ETV6: variants seen among roughly 807,000 people sequenced by gnomAD.
ETV6 encodes ETS variant transcription factor 6.
In ETV6, 16 loss-of-function variants were observed where a neutral mutation model predicts 51.1. That is an observed-to-expected ratio of 0.31 (90% CI 0.21 to 0.48). The LOEUF is 0.48. ETV6 is among the 20% of genes least tolerant of loss of function. The pLI, the probability that ETV6 is intolerant of heterozygous loss-of-function variation, is 0.99. For synonymous variants in ETV6, 240 were observed against 224.1 expected, an observed-to-expected ratio of 1.07 and a Z score of -0.64; for missense variants, 458 against 594.8, an observed-to-expected ratio of 0.77 and a Z score of 2.39.
At chr12:11,701,150 T>G (rs1480210411) in intron 1 of ETV6, among the ~76,000 whole-genome samples, 1 of 152,090 alleles carries the variant, frequency 6.6e-6, no homozygotes, top group Non-Finnish European at 1.5e-5. Context: ...TAATATAAAA[T>G]TTGCCCTTTT....
At chr12:11,677,281 C>T (rs1188491198) in intron 1 of ETV6, among the ~76,000 whole-genome samples, 2 of 152,216 alleles carry the variant, frequency 1.3e-5, no homozygotes, top group Non-Finnish European at 2.9e-5. Flanking sequence ...CCTCCCTCCT[C>T]CTGCCTCTCT....
At chr12:11,702,793 T>A (rs1211352040) in intron 1 of ETV6, among the ~76,000 whole-genome samples, 1 of 152,122 alleles carries the variant, frequency 6.6e-6, no homozygotes, top group African/African-American at 2.4e-5. Context: ...TTTGGAAAAT[T>A]AGAAGAAAAA....
intron 2 of ETV6, among the ~76,000 whole-genome samples, chr12:11,786,999 A>G (rs757793875): frequency 3.9e-5 from 6 of 152,186 alleles, no homozygotes; most frequent in African/African-American, 1.2e-4. Context: ...AAAAGACCCT[A>G]AGGTGTTATC....
rs145328569 is a variant in ETV6 at position 11,681,887 on chromosome 12, A to G, written c.33+31727A>G. On this transcript the variant is annotated intron_variant, in intron 1 of 7. Transcript: ENST00000396373. ...TTCCAGCTTCAACCATGTTCCTGCA[A>G]AGGACATGAGCTCATCCTTTTTTAT... Among the ~76,000 whole-genome samples, 490 of 152,306 alleles carry G rather than the reference A, an allele frequency of 3.2e-3. 3 individuals carry two copies. The highest frequency in any genetic ancestry group is 0.01 in the African/African-American group (428 of 41,558).
chr12:11,884,717 G>T, intron 6 of ETV6, 130 bp downstream of exon 6: 1 of 1,168,200 alleles, frequency 8.6e-7, no homozygotes, highest in Admixed American at 2.5e-5. Flanking sequence ...TTCCTTGCTG[G>T]GCAAGCAATT....
chr12:11,781,344 G>A (rs907220678), intron 2 of ETV6, among the ~76,000 whole-genome samples: 1 of 152,076 alleles, frequency 6.6e-6, no homozygotes, highest in African/African-American at 2.4e-5. Flanking sequence ...TTTTCGTCCC[G>A]TTCTTGGATG....
chr12:11,686,861 T>G (rs1864639742), intron 1 of ETV6, among the ~76,000 whole-genome samples: 3 of 152,186 alleles, frequency 2.0e-5, no homozygotes, highest in Admixed American at 2.0e-4. Context: ...TTCTTAAAAT[T>G]TAAGTTTGCT....
chr12:11,806,664 G>A (rs187091782), intron 2 of ETV6, among the ~76,000 whole-genome samples: 22 of 152,290 alleles, frequency 1.4e-4, no homozygotes, highest in African/African-American at 4.3e-4. Flanking sequence ...GAGGCGGCTC[G>A]TCCTCAAGGA....
At chr12:11,690,429 AT>A (rs1359974920) in intron 1 of ETV6, among the ~76,000 whole-genome samples, 2 of 152,036 alleles carry the variant, frequency 1.3e-5, no homozygotes, top group Admixed American at 6.6e-5. Context: ...AAAACACATT[AT>A]CTTCATATTT....
chr12:11,829,392 G>T lies in ETV6; in HGVS notation c.164-9748G>T, dbSNP rs534763022. ...GTACTATTCTGGACTCCATCTTACC[G>T]CTGGAGAAACAGATTCAGACGCGTA... On this transcript the variant is annotated intron_variant, in intron 2 of 7. Coordinates refer to ENST00000396373, the MANE Select transcript of ETV6 (RefSeq NM_001987.5). 9.9e-5 allele frequency among the ~76,000 whole-genome samples: 15 copies of T among 152,250 alleles called. 1 individual carries two copies. Among genetic ancestry groups the T allele is most frequent in the African/African-American group, 3.4e-4 (14 of 41,558 alleles).
intron 3 of ETV6, 131 bp downstream of exon 3, chr12:11,839,435 G>A: frequency 1.1e-6 from 1 of 896,052 alleles, no homozygotes; most frequent in Non-Finnish European, 1.7e-6. Flanking sequence ...GACGATGGAA[G>A]GAAGTTGAAG....
At chr12:11,726,290 CCA>C (rs1470604292) in intron 1 of ETV6, among the ~76,000 whole-genome samples, 2 of 152,110 alleles carry the variant, frequency 1.3e-5, no homozygotes, top group African/African-American at 4.8e-5. Context: ...TGTTCAGAAC[CCA>C]CAGTCATTTC....
intron 1 of ETV6, among the ~76,000 whole-genome samples, chr12:11,677,232 A>T (rs951546014): frequency 5.9e-5 from 9 of 152,194 alleles, no homozygotes; most frequent in South Asian, 2.1e-4. Context: ...GAAGAACAAG[A>T]TAGATGGGTC....
intron 1 of ETV6, among the ~76,000 whole-genome samples, chr12:11,745,244 A>G (rs1865886100): frequency 6.6e-6 from 1 of 152,254 alleles, no homozygotes; most frequent in Admixed American, 6.5e-5. Context: ...TTGCAGTTAT[A>G]CGGAACCTTT....
intron 2 of ETV6, among the ~76,000 whole-genome samples, chr12:11,837,677 G>A (rs769966755): frequency 7.2e-5 from 11 of 152,174 alleles, no homozygotes; most frequent in Non-Finnish European, 1.2e-4. Flanking sequence ...TGAAGTCTTC[G>A]TAGCAAGTTT....
chr12:11,826,990 A>G (rs1300127657), intron 2 of ETV6, among the ~76,000 whole-genome samples: 2 of 152,224 alleles, frequency 1.3e-5, no homozygotes, highest in African/African-American at 2.4e-5. Flanking sequence ...TGATAGGTCT[A>G]TAAAAGCCAT....
intron 1 of ETV6, among the ~76,000 whole-genome samples, chr12:11,667,639 C>A (rs1453617935): frequency 1.3e-5 from 2 of 151,514 alleles, no homozygotes; most frequent in Non-Finnish European, 2.9e-5. Flanking sequence ...CAGCGATCCT[C>A]CCACCTCAGC....
At chr12:11,847,418 G>A (rs535227309) in intron 3 of ETV6, among the ~76,000 whole-genome samples, 3 of 152,186 alleles carry the variant, frequency 2.0e-5, no homozygotes, top group Non-Finnish European at 2.9e-5. Flanking sequence ...TAGCATAGAC[G>A]AGCCGATTGA....
chr12:11,808,448 A>G (rs1449359054), intron 2 of ETV6, among the ~76,000 whole-genome samples: 1 of 151,030 alleles, frequency 6.6e-6, no homozygotes. Flanking sequence ...AAAAAACAAA[A>G]AAAAAAAACC....
Sources: allele counts gnomAD v4.1 joint callset (sites outside exome capture counted in the v4.1 genomes callset), GRCh38; gene constraint gnomAD v4.1.1; transcripts MANE v1.5; gene names NCBI Gene and HGNC (gene_info 2026-07-23, HGNC 2026-07-21).